FMN2: variants seen among roughly 807,000 people sequenced by gnomAD.
FMN2 encodes the protein formin-2.
In FMN2, 51 loss-of-function variants were observed where a neutral mutation model predicts 142.3. The ratio of observed to expected loss-of-function variants is 0.36; its 90% confidence interval spans 0.29 to 0.45. FMN2 has a LOEUF of 0.45. Ranked by LOEUF, FMN2 falls within the 20% of genes least tolerant of loss-of-function variation. The pLI, the probability that FMN2 is intolerant of heterozygous loss-of-function variation, is 1.00. For synonymous variants in FMN2, 882 were observed against 869.8 expected (o/e 1.01, Z -0.25); for missense variants, 1,936 against 2,122.8 (o/e 0.91, Z 1.73).
chr1:240,385,204 T>C (rs1673368386), intron 14 of FMN2, among the ~76,000 whole-genome samples: 1 of 152,218 alleles, frequency 6.6e-6, no homozygotes. Flanking sequence ...TGTGTTTTGA[T>C]AGTTTGAATC....
chr1:240,156,173 C>T lies in FMN2; in HGVS notation c.1783-21748C>T, dbSNP rs114668766. On this transcript the variant is annotated intron_variant, in intron 2 of 17. Coordinates refer to ENST00000319653, the MANE Select transcript of FMN2 (RefSeq NM_020066.5). ...GGCTGAAGCGGGAGGATCACTTGAG[C>T]CAGGAGTAGGAGGCCGAAGTGTGCT... 4.6e-3 allele frequency among the ~76,000 whole-genome samples: 700 copies of T among 152,146 alleles called. 9 individuals are homozygous for T. The highest frequency in any genetic ancestry group is 0.016 in the African/African-American group (653 of 41,518).
chr1:240,093,763 G>A, intron 1 of FMN2, 39 bp downstream of exon 1: 1 of 1,281,322 alleles, frequency 7.8e-7, no homozygotes, highest in South Asian at 2.8e-5. Flanking sequence ...GTCTCAAGTC[G>A]CCTGTCAGTC....
In FMN2 at chr1:240,188,197, T is replaced by C; in HGVS notation, c.1931-10T>C. The C allele has an allele frequency of 3.1e-6, 5 of 1,613,674 alleles. No homozygotes were observed. The highest frequency in any genetic ancestry group is 4.2e-6 in the Non-Finnish European group (5 of 1,179,794). ...TAAGATACTGACTGTCTGCTTCCTT[T>C]CCAATCTAGAATCTCAATCTGCTGT... On this transcript the variant is annotated splice_polypyrimidine_tract_variant and intron_variant, in intron 3 of 17. Coordinates refer to ENST00000319653, the MANE Select transcript of FMN2 (RefSeq NM_020066.5).
At chr1:240,359,202 C>T (rs1020042809) in intron 14 of FMN2, among the ~76,000 whole-genome samples, 3 of 152,120 alleles carry the variant, frequency 2.0e-5, no homozygotes, top group Non-Finnish European at 4.4e-5. Flanking sequence ...TTTATCAGGA[C>T]ATGATTCTAA....
intron 11 of FMN2, among the ~76,000 whole-genome samples, chr1:240,331,048 T>C (rs1189445228): frequency 1.3e-5 from 2 of 152,210 alleles, no homozygotes; most frequent in Non-Finnish European, 2.9e-5. Flanking sequence ...TCTTTTACCA[T>C]ATCTTTCCCA....
At chr1:240,395,375 A>T (rs952854801) in intron 15 of FMN2, among the ~76,000 whole-genome samples, 3 of 152,182 alleles carry the variant, frequency 2.0e-5, no homozygotes. Flanking sequence ...TCAAGGAGTA[A>T]TTTTGACTTT....
chr1:240,268,838 A>G (rs559821316), intron 7 of FMN2, among the ~76,000 whole-genome samples: 24 of 152,068 alleles, frequency 1.6e-4, no homozygotes, highest in East Asian at 1.4e-3. Context: ...GGCCATTTGT[A>G]TGTCTTCTTC....
At chr1:240,200,192 G>A (rs1475034741) in intron 4 of FMN2, among the ~76,000 whole-genome samples, 2 of 152,196 alleles carry the variant, frequency 1.3e-5, no homozygotes, top group African/African-American at 4.8e-5. Flanking sequence ...AATCTAGGCT[G>A]TGTGGGAGGG....
chr1:240,169,952 T>C (rs1664634615), intron 2 of FMN2, among the ~76,000 whole-genome samples: 1 of 152,254 alleles, frequency 6.6e-6, no homozygotes, highest in South Asian at 2.1e-4. Context: ...ATGGGTCTGC[T>C]GGCCTTGATA....
intron 6 of FMN2, among the ~76,000 whole-genome samples, chr1:240,246,852 T>G (rs1448785961): frequency 6.6e-6 from 1 of 152,228 alleles, no homozygotes; most frequent in Non-Finnish European, 1.5e-5. Context: ...TTATAAGTTC[T>G]AATTTTATAG....
At chr1:240,363,185 T>A (rs566970483) in intron 14 of FMN2, among the ~76,000 whole-genome samples, 2 of 152,350 alleles carry the variant, frequency 1.3e-5, no homozygotes, top group African/African-American at 4.8e-5. Context: ...AGGGTGAGCA[T>A]GTTTCATGTT....
intron 14 of FMN2, among the ~76,000 whole-genome samples, chr1:240,387,281 T>G (rs1673437569): frequency 6.6e-6 from 1 of 152,234 alleles, no homozygotes; most frequent in African/African-American, 2.4e-5. Context: ...AACATTTTCC[T>G]TGGCAGTGGA....
intron 16 of FMN2, among the ~76,000 whole-genome samples, chr1:240,451,966 C>A (rs890926424): frequency 2.6e-5 from 4 of 151,822 alleles, no homozygotes; most frequent in African/African-American, 9.7e-5. Flanking sequence ...CCGAGGTGGG[C>A]AGATCACAAG....
chr1:240,452,642 G>C (rs886067526), intron 16 of FMN2, among the ~76,000 whole-genome samples: 1 of 151,932 alleles, frequency 6.6e-6, no homozygotes. Flanking sequence ...GGTGTTCAGG[G>C]GAAGTAAATA....
chr1:240,129,166 G>C (rs1228054428), intron 2 of FMN2, among the ~76,000 whole-genome samples: 5 of 151,998 alleles, frequency 3.3e-5, no homozygotes, highest in Non-Finnish European at 5.9e-5. Flanking sequence ...GAGCCACCTA[G>C]CCCAGCCTTG....
intron 4 of FMN2, among the ~76,000 whole-genome samples, chr1:240,192,620 A>C: frequency 6.6e-6 from 1 of 152,300 alleles, no homozygotes. Flanking sequence ...TGAAACCATG[A>C]GTTAGTCATC....
Position 240,093,048 on chromosome 1 carries a change from G to A in FMN2, c.939G>A (p.Ala313=), listed in dbSNP as rs1397777846. The A allele has an allele frequency of 7.2e-7, 1 of 1,391,396 alleles. No homozygotes were observed. 86.2% of individuals were successfully genotyped at this position (1,391,396 alleles called of 1,614,324 possible). The change falls in exon 1 of 18, where the codon GCG becomes GCA. Residue 313 remains alanine, a synonymous_variant. Transcript: ENST00000319653. ...EAPSLPAAQP[A]AKDSPSSTAF... Reference sequence around the variant, plus strand: ...CCAGTCTCCCGGCAGCGCAACCCGCGGCCAAAGACTCGCCCTCCTCCACGG... The same window carrying A: ...CCAGTCTCCCGGCAGCGCAACCCGCAGCCAAAGACTCGCCCTCCTCCACGG...
chr1:240,165,309 G>A (rs1328198623), intron 2 of FMN2, among the ~76,000 whole-genome samples: 1 of 152,014 alleles, frequency 6.6e-6, no homozygotes, highest in Admixed American at 6.6e-5. Context: ...CCAAGTAGCT[G>A]GGACTACAGG....
intron 6 of FMN2, among the ~76,000 whole-genome samples, chr1:240,243,775 G>A (rs1003221790): frequency 6.6e-5 from 10 of 152,200 alleles, no homozygotes; most frequent in African/African-American, 2.2e-4. Flanking sequence ...TTTAGGCAAA[G>A]ACATGTCCTG....
Sources: gnomAD v4.1 joint callset for allele counts (sites outside exome capture counted in the v4.1 genomes callset) on GRCh38, gnomAD v4.1.1 for gene constraint, MANE v1.5 for transcripts, NCBI Gene and HGNC (gene_info 2026-07-23, HGNC 2026-07-21) for gene names.